Variants in PLCB4 observed in about 807,000 individuals in gnomAD.
The protein encoded by PLCB4 is phospholipase C beta 4.
In PLCB4, 77 loss-of-function variants were observed where a neutral mutation model predicts 178.8. The ratio of observed to expected loss-of-function variants is 0.43; its 90% confidence interval spans 0.36 to 0.52. The LOEUF is 0.52. Among genes scored for constraint, PLCB4 ranks in the 20% least tolerant of loss-of-function variants. The pLI, the probability that PLCB4 is intolerant of heterozygous loss-of-function variation, is 0.00. For missense variants in PLCB4, 1,024 were observed against 1,453.4 expected (o/e 0.70, Z 4.80); for synonymous variants, 496 against 490.8 (o/e 1.01, Z -0.14).
chr20:9,088,621 A>G lies in PLCB4; in HGVS notation c.-134-7666A>G, dbSNP rs143020034. 2.5e-3 allele frequency among the ~76,000 whole-genome samples: 383 copies of G among 152,326 alleles called. 1 individual carries two copies. Among genetic ancestry groups the G allele is most frequent in the African/African-American group, 8.6e-3 (356 of 41,584 alleles). On this transcript the variant is annotated intron_variant, in intron 1 of 39. Coordinates refer to ENST00000378473, the MANE Select transcript of PLCB4 (RefSeq NM_001377142.1). ...GGATATTGGTCTCTGGGAAAGGTAA[A>G]GGTGACCAATATAATAAGAGGAATG...
At chr20:9,107,895 G>A (rs1333301563) in intron 2 of PLCB4, among the ~76,000 whole-genome samples, 1 of 152,090 alleles carries the variant, frequency 6.6e-6, no homozygotes, top group African/African-American at 2.4e-5. Context: ...AACGAGGTTT[G>A]GAGGGATGGA....
chr20:9,395,587 A>G lies in PLCB4; in HGVS notation c.1479A>G (p.Leu493=). The G allele has an allele frequency of 6.2e-7, 1 of 1,612,982 alleles. No homozygotes were observed. Among genetic ancestry groups the G allele is most frequent in the East Asian group, 2.2e-5 (1 of 44,874 alleles). The change falls in exon 19 of 40, where the codon TTA becomes TTG. Residue 493 remains leucine (L), a synonymous_variant. Transcript: ENST00000378473. ...AATCTGCCTCCCCAGCAAACATCTTAGAGGACGATAATGAAGAGGAGATCG... is the reference window on the plus strand; with the variant it reads ...AATCTGCCTCCCCAGCAAACATCTTGGAGGACGATAATGAAGAGGAGATCG... The part of the protein sequence containing the change: ...AGESASPANI[L]EDDNEEEIES...
In PLCB4 at chr20:9,223,507, G is replaced by T. The variant is rs914441977; in HGVS notation, c.-16+6055G>T. Among the ~76,000 whole-genome samples, 3 of 152,184 alleles carry T rather than the reference G, an allele frequency of 2.0e-5. No homozygotes were observed. The South Asian group carries it at 6.2e-4, about 32-fold the overall frequency. ...TCTTTCATGCAGTTGCAGTCAGGTGGCAGCTGACGCTGGAAGAGCAGGCAG... is the reference window on the plus strand; with the variant it reads ...TCTTTCATGCAGTTGCAGTCAGGTGTCAGCTGACGCTGGAAGAGCAGGCAG... On this transcript the variant is annotated intron_variant, in intron 3 of 39. Coordinates refer to ENST00000378473, the MANE Select transcript of PLCB4 (RefSeq NM_001377142.1).
intron 28 of PLCB4, among the ~76,000 whole-genome samples, chr20:9,430,049 TGATGA>T (rs2041291368): frequency 1.3e-5 from 2 of 151,716 alleles, no homozygotes; most frequent in Admixed American, 1.3e-4. Context: ...TAACGATAGC[TGATGA>T]GCTATAAAAA....
intron 2 of PLCB4, among the ~76,000 whole-genome samples, chr20:9,141,919 G>C (rs1219284874): frequency 6.6e-6 from 1 of 152,032 alleles, no homozygotes; most frequent in Admixed American, 6.6e-5. Context: ...GAAAGTTAAA[G>C]TGTGAGAAGG....
intron 2 of PLCB4, among the ~76,000 whole-genome samples, chr20:9,132,662 G>A (rs1334772576): frequency 1.3e-5 from 2 of 152,184 alleles, no homozygotes; most frequent in Non-Finnish European, 1.5e-5. Flanking sequence ...ACACAGATAT[G>A]TGGATTCTTC....
Position 9,458,640 on chromosome 20 carries a change from T to A in PLCB4, c.3073-995T>A, listed in dbSNP as rs1164102966. ...TCTGGCTGTTGCTTGTTTTCCTACA[T>A]GACCTATCAACCTCCAGCAGGCTAG... On this transcript the variant is annotated intron_variant, in intron 34 of 39. Transcript: ENST00000378473. 2.0e-5 allele frequency among the ~76,000 whole-genome samples: 3 copies of A among 152,274 alleles called. No individual in the cohort carries two copies. In the East Asian group the frequency reaches 5.8e-4, roughly 29 times the overall value.
chr20:9,129,264 G>A (rs1332060916), intron 2 of PLCB4, among the ~76,000 whole-genome samples: 1 of 152,102 alleles, frequency 6.6e-6, no homozygotes, highest in Non-Finnish European at 1.5e-5. Flanking sequence ...CATATGGGCC[G>A]AAAAGTCAGT....
chr20:9,173,042 T>C (rs141444483), intron 2 of PLCB4, among the ~76,000 whole-genome samples: 135 of 152,318 alleles, frequency 8.9e-4, no homozygotes, highest in African/African-American at 3.0e-3. Flanking sequence ...TGGGAACAGA[T>C]GATGAACTAT....
chr20:9,230,950 T>C (rs1448261851), intron 3 of PLCB4, among the ~76,000 whole-genome samples: 2 of 152,186 alleles, frequency 1.3e-5, no homozygotes, highest in Non-Finnish European at 2.9e-5. Context: ...ATTATTTGAC[T>C]GTCAAAGTCC....
chr20:9,331,977 T>C (rs1405887922), intron 4 of PLCB4, among the ~76,000 whole-genome samples: 1 of 152,212 alleles, frequency 6.6e-6, no homozygotes, highest in Non-Finnish European at 1.5e-5. Flanking sequence ...CTTTCTAGCC[T>C]TGCTCTCTAG....
intron 3 of PLCB4, among the ~76,000 whole-genome samples, chr20:9,240,333 G>T (rs907847377): frequency 6.6e-6 from 1 of 152,158 alleles, no homozygotes; most frequent in Middle Eastern, 3.4e-3. Flanking sequence ...ATTAGAGAGT[G>T]ACCTCCAGGT....
chr20:9,297,180 A>T (rs2094647654), intron 3 of PLCB4, among the ~76,000 whole-genome samples: 1 of 151,640 alleles, frequency 6.6e-6, no homozygotes, highest in Admixed American at 6.6e-5. Flanking sequence ...CCATATATAT[A>T]TTTTTTTGCT....
At position 9,192,516 on chromosome 20, in the gene PLCB4, G is replaced by A. The variant is rs756111453; in HGVS notation, c.-78-24874G>A. ...GTTTAAAGATAGCTGTCAGAGTCTTGAATTTTTTTTTCTTTTTTTTTTTTT... is the reference window on the plus strand; with the variant it reads ...GTTTAAAGATAGCTGTCAGAGTCTTAAATTTTTTTTTCTTTTTTTTTTTTT... On this transcript the variant is annotated intron_variant, in intron 2 of 39. Coordinates refer to ENST00000378473, the MANE Select transcript of PLCB4 (RefSeq NM_001377142.1). Among the ~76,000 whole-genome samples, 173 of 150,446 alleles carry A rather than the reference G, an allele frequency of 1.1e-3. 1 individual carries two copies. The highest frequency in any genetic ancestry group is 0.011 in the Middle Eastern group (3 of 284).
At chr20:9,086,799 A>C (rs1486718414) in intron 1 of PLCB4, among the ~76,000 whole-genome samples, 1 of 152,226 alleles carries the variant, frequency 6.6e-6, no homozygotes, top group East Asian at 1.9e-4. Context: ...GGGAGAAGTG[A>C]CTTATAGCTG....
rs73609446 is a variant in PLCB4 at position 9,250,684 on chromosome 20, C to T, written c.-16+33232C>T. Among the ~76,000 whole-genome samples the T allele has an allele frequency of 3.2e-3, 492 of 152,318 alleles. 4 individuals carry two copies. The highest frequency in any genetic ancestry group is 9.5e-3 in the African/African-American group (395 of 41,568). On this transcript the variant is annotated intron_variant, in intron 3 of 39. Coordinates refer to ENST00000378473, the MANE Select transcript of PLCB4 (RefSeq NM_001377142.1). ...AGAATGGAAGTGGCATGCCCATCAT[C>T]ACATATCTGGTATGTGATGTGTGCA...
At chr20:9,274,689 G>GAGCATCAGAAACTGTGTTTCTC (rs1387901979) in intron 3 of PLCB4, among the ~76,000 whole-genome samples, 1 of 152,012 alleles carries the variant, frequency 6.6e-6, no homozygotes, top group Non-Finnish European at 1.5e-5. Flanking sequence ...CTTTGTTTCT[G>GAGCATCAGAAACTGTGTTTCTC]AGCATCAGAA....
At chr20:9,234,998 G>C (rs2093978305) in intron 3 of PLCB4, among the ~76,000 whole-genome samples, 1 of 152,182 alleles carries the variant, frequency 6.6e-6, no homozygotes, top group Non-Finnish European at 1.5e-5. Context: ...GTGTAACCAT[G>C]TTTGGGGAAT....
chr20:9,248,269 T>C (rs1480751833), intron 3 of PLCB4, among the ~76,000 whole-genome samples: 1 of 152,200 alleles, frequency 6.6e-6, no homozygotes, highest in Non-Finnish European at 1.5e-5. Flanking sequence ...ACAATGATGT[T>C]CACTTGAACG....
Sources: allele counts gnomAD v4.1 joint callset (sites outside exome capture counted in the v4.1 genomes callset), GRCh38; gene constraint gnomAD v4.1.1; transcripts MANE v1.5; gene names NCBI Gene and HGNC (gene_info 2026-07-23, HGNC 2026-07-21).